IQCH: variants seen among roughly 807,000 people sequenced by gnomAD.
IQCH encodes IQ motif containing H.
In IQCH, 98 loss-of-function variants were observed where a neutral mutation model predicts 117.0. The observed-to-expected ratio is 0.84, with a 90% CI of 0.71 to 0.99. IQCH has a LOEUF of 0.99. IQCH is among the 50% of genes least tolerant of loss of function. The pLI, the probability that IQCH is intolerant of heterozygous loss-of-function variation, is 0.00. For missense variants in IQCH, 1,102 were observed against 1,243.8 expected, an observed-to-expected ratio of 0.89 and a Z score of 1.72; for synonymous variants, 412 against 448.2, an observed-to-expected ratio of 0.92 and a Z score of 1.02.
chr15:67,346,317 C>T (rs1389654390), intron 6 of IQCH, among the ~76,000 whole-genome samples: 1 of 151,908 alleles, frequency 6.6e-6, no homozygotes, highest in Non-Finnish European at 1.5e-5. Context: ...AGTAACCCCC[C>T]CCCAAAAAAA....
intron 4 of IQCH, among the ~76,000 whole-genome samples, chr15:67,280,422 A>C (rs757083224): frequency 3.6e-4 from 55 of 152,236 alleles, no homozygotes; most frequent in Admixed American, 7.2e-4. Flanking sequence ...TTACAGCTCT[A>C]GAGGCTGGAA....
chr15:67,296,409 T>A (rs1363574230), intron 4 of IQCH, among the ~76,000 whole-genome samples: 4 of 151,982 alleles, frequency 2.6e-5, no homozygotes, highest in Non-Finnish European at 5.9e-5. Flanking sequence ...TCAGAGCTGT[T>A]AGGAAGGAAT....
intron 4 of IQCH, among the ~76,000 whole-genome samples, chr15:67,293,524 T>C (rs1966824264): frequency 6.6e-6 from 1 of 152,208 alleles, no homozygotes; most frequent in Non-Finnish European, 1.5e-5. Flanking sequence ...TAAATAGTTT[T>C]TATACTGCAT....
chr15:67,463,287 C>T lies in IQCH; in HGVS notation c.2506-1840C>T, dbSNP rs934232424. 2.6e-5 allele frequency among the ~76,000 whole-genome samples: 4 copies of T among 152,300 alleles called. No individual in the cohort carries two copies. Among genetic ancestry groups the T allele is most frequent in the Admixed American group, 2.0e-4 (3 of 15,296 alleles). ...CAGTGAAAATGCATTATGCTAATTA[C>T]AGCATACTCCAGAAATACTTCATGT... On this transcript the variant is annotated intron_variant, in intron 16 of 20. Transcript: ENST00000335894. The surrounding 1 kb of genome is among the most constrained non-coding windows in gnomAD (Gnocchi z 4.0).
chr15:67,441,818 T>C (rs1325865354), intron 16 of IQCH, among the ~76,000 whole-genome samples: 3 of 152,154 alleles, frequency 2.0e-5, no homozygotes, highest in South Asian at 2.1e-4. Context: ...CTTCTAGACA[T>C]TGGCTTAGGC....
intron 6 of IQCH, among the ~76,000 whole-genome samples, chr15:67,353,938 C>A (rs1246070711): frequency 1.3e-5 from 2 of 151,992 alleles, no homozygotes; most frequent in Non-Finnish European, 2.9e-5. Flanking sequence ...AAATGGTAGT[C>A]AAAAATATCT....
In IQCH at chr15:67,476,817, A is replaced by T. The variant is rs2083212693; in HGVS notation, c.2799+999A>T. Among the ~76,000 whole-genome samples the T allele has an allele frequency of 1.3e-5, 2 of 152,268 alleles. No homozygotes were observed. Among genetic ancestry groups the T allele is most frequent in the South Asian group, 4.1e-4 (2 of 4,828 alleles). On this transcript the variant is annotated intron_variant, in intron 18 of 20. Coordinates refer to ENST00000335894, the MANE Select transcript of IQCH (RefSeq NM_001031715.3). The surrounding 1 kb of genome is among the most constrained non-coding windows in gnomAD (Gnocchi z 4.1). Reference sequence around the variant, plus strand: ...ACCCTGAGTAACCCTGTACACTCTTACTTATGGAAGACCCACTTTACAGCA... The same window carrying T: ...ACCCTGAGTAACCCTGTACACTCTTTCTTATGGAAGACCCACTTTACAGCA...
Position 67,450,561 on chromosome 15 carries a change from C to CAGGGATCA in IQCH, c.2506-14560_2506-14559insCAAGGGAT, listed in dbSNP as rs1273883012. 2.0e-5 allele frequency among the ~76,000 whole-genome samples: 3 copies of CAGGGATCA among 152,146 alleles called. No individual in the cohort carries two copies. In the East Asian group the frequency reaches 5.8e-4, roughly 29 times the overall value. On this transcript the variant is annotated intron_variant, in intron 16 of 20. Transcript: ENST00000335894. Reference sequence around the variant, plus strand: ...CGTATGTTGAACCAGCCTTGCATCCCAGGGATGAAGCCCACTTGATCATGG... The same window carrying CAGGGATCA: ...CGTATGTTGAACCAGCCTTGCATCCCAGGGATCAAGGGATGAAGCCCACTTGATCATGG...
chr15:67,436,198 C>T lies in IQCH; in HGVS notation c.2505+14621C>T, dbSNP rs1457566885. Among the ~76,000 whole-genome samples the T allele has an allele frequency of 6.6e-6, 1 of 152,042 alleles. No individual in the cohort carries two copies. The highest frequency in any genetic ancestry group is 1.5e-5 in the Non-Finnish European group (1 of 68,010). Reference sequence around the variant, plus strand: ...ATTATCGAGACCCACTGAAGGAAGCCGACTGCTCCTGCAGGACCCAGGAGA... The same window carrying T: ...ATTATCGAGACCCACTGAAGGAAGCTGACTGCTCCTGCAGGACCCAGGAGA... On this transcript the variant is annotated intron_variant, in intron 16 of 20. Transcript: ENST00000335894. The surrounding 1 kb of genome is among the most constrained non-coding windows in gnomAD (Gnocchi z 5.1).
intron 15 of IQCH, 24 bp from the exon 16 acceptor site, chr15:67,421,267 C>T (rs773936310): frequency 3.7e-6 from 6 of 1,602,616 alleles, no homozygotes; most frequent in Non-Finnish European, 4.3e-6. Context: ...TGTCCTTTCA[C>T]CTACTCCATG....
chr15:67,318,809 TG>T (rs1397462669), intron 4 of IQCH, among the ~76,000 whole-genome samples: 1 of 152,232 alleles, frequency 6.6e-6, no homozygotes, highest in African/African-American at 2.4e-5. Context: ...GTTAGATGAA[TG>T]GTGCCAAGTC....
chr15:67,296,161 TC>T (rs1229674659), intron 4 of IQCH, among the ~76,000 whole-genome samples: 1 of 152,198 alleles, frequency 6.6e-6, no homozygotes, highest in Non-Finnish European at 1.5e-5. Flanking sequence ...CCTACTAGGC[TC>T]TCAAGAAATG....
chr15:67,257,310 T>C (rs1965263871), intron 1 of IQCH, among the ~76,000 whole-genome samples: 1 of 152,208 alleles, frequency 6.6e-6, no homozygotes. Context: ...AATCAAATTG[T>C]TTCTGGCAAG....
At chr15:67,371,005 C>T (rs1970511527) in intron 8 of IQCH, among the ~76,000 whole-genome samples, 1 of 151,870 alleles carries the variant, frequency 6.6e-6, no homozygotes, top group African/African-American at 2.4e-5. Flanking sequence ...CTTCAAAATG[C>T]GAAGAGTAAT....
At chr15:67,368,666 G>A (rs1970416943) in intron 8 of IQCH, among the ~76,000 whole-genome samples, 1 of 152,146 alleles carries the variant, frequency 6.6e-6, no homozygotes, top group African/African-American at 2.4e-5. Context: ...TATCCTTCTA[G>A]GCAATGGAAT....
chr15:67,460,118 A>T (rs2082754493), intron 16 of IQCH: 1 of 152,164 alleles, frequency 6.6e-6, no homozygotes, highest in African/African-American at 2.4e-5. Flanking sequence ...TCTTATTATT[A>T]ATACTTTCTT....
Position 67,343,946 on chromosome 15 carries a change from T to G in IQCH, c.509-117T>G. 5.0e-6 allele frequency: 4 copies of G among 806,484 alleles called. No individual in the cohort carries two copies. The East Asian group carries it at 7.9e-5, about 16-fold the overall frequency. 50.0% of individuals were successfully genotyped at this position (806,484 alleles called of 1,614,324 possible). On this transcript the variant is annotated intron_variant, in intron 5 of 20. Transcript: ENST00000335894. ...TTATGCAAAGGATTAAGGCACTAGA[T>G]GTACCCTCACAAATAAGATGATGAA... is the stretch of plus-strand genomic sequence containing the variant.
At chr15:67,303,612 G>A (rs866225385) in intron 4 of IQCH, among the ~76,000 whole-genome samples, 13 of 152,166 alleles carry the variant, frequency 8.5e-5, no homozygotes, top group Middle Eastern at 3.4e-3. Context: ...TTCCATAGAG[G>A]TGAAGTGACT....
chr15:67,492,062 G>T (rs761662683), intron 19 of IQCH, among the ~76,000 whole-genome samples: 4 of 152,188 alleles, frequency 2.6e-5, no homozygotes, highest in Admixed American at 6.5e-5. Context: ...ACTTGACACG[G>T]TGATGTCAGG....
Sources: allele counts gnomAD v4.1 joint callset (sites outside exome capture counted in the v4.1 genomes callset), GRCh38; gene constraint gnomAD v4.1.1; non-coding constraint Gnocchi (gnomAD v3.1); transcripts MANE v1.5; gene names NCBI Gene and HGNC (gene_info 2026-07-23, HGNC 2026-07-21).